The following CTNNA2 variants were observed in gnomAD, a reference collection of about 807,000 sequenced individuals.
The protein encoded by CTNNA2 is catenin alpha-2.
A neutral mutation model predicts 101.0 loss-of-function variants in CTNNA2; 42 were observed. The observed-to-expected ratio is 0.42, with a 90% confidence interval of 0.32 to 0.54. The LOEUF (loss-of-function observed/expected upper bound fraction) is 0.54. CTNNA2 is among the 20% of genes least tolerant of loss of function. CTNNA2 has a pLI of 0.14. For missense variants in CTNNA2, 871 were observed against 1,223.1 expected (o/e 0.71, Z 4.29); for synonymous variants, 450 against 456.4 (o/e 0.99, Z 0.18).
intron 7 of CTNNA2, among the ~76,000 whole-genome samples, chr2:80,330,390 G>A (rs551857071): frequency 4.6e-5 from 7 of 152,312 alleles, no homozygotes; most frequent in African/African-American, 1.7e-4. Flanking sequence ...ACTTCTAGTG[G>A]GAGAGATTAA....
intron 9 of CTNNA2, among the ~76,000 whole-genome samples, chr2:80,449,930 C>A (rs1162928230): frequency 1.3e-5 from 2 of 152,164 alleles, no homozygotes; most frequent in Non-Finnish European, 1.5e-5. Flanking sequence ...TGACTATATT[C>A]TTGACATGAT....
At chr2:79,372,253 A>G (rs1313639142) in intron 3 of CTNNA2, among the ~76,000 whole-genome samples, 1 of 152,170 alleles carries the variant, frequency 6.6e-6, no homozygotes, top group Admixed American at 6.5e-5. Flanking sequence ...CCTAGCTGAC[A>G]GGAGGAACGA....
At chr2:80,397,456 G>A (rs1678119362) in intron 8 of CTNNA2, among the ~76,000 whole-genome samples, 1 of 152,218 alleles carries the variant, frequency 6.6e-6, no homozygotes, top group South Asian at 2.1e-4. Flanking sequence ...ATTCCCTTAT[G>A]TCATGGGAGG....
intron 9 of CTNNA2, among the ~76,000 whole-genome samples, chr2:80,528,205 G>A (rs1240776140): frequency 1.3e-5 from 2 of 152,102 alleles, no homozygotes; most frequent in Admixed American, 6.6e-5. Flanking sequence ...TTGTTTGTTC[G>A]TTTGTTTTGA....
intron 8 of CTNNA2, among the ~76,000 whole-genome samples, chr2:80,407,386 A>T (rs1293258629): frequency 6.6e-6 from 1 of 152,248 alleles, no homozygotes; most frequent in Admixed American, 6.5e-5. Context: ...AGTGAGAGGC[A>T]TATAAGACTA....
chr2:80,375,383 A>G (rs1381340849), intron 7 of CTNNA2, among the ~76,000 whole-genome samples: 2 of 152,002 alleles, frequency 1.3e-5, no homozygotes, highest in African/African-American at 2.4e-5. Flanking sequence ...GTTTGTTTAC[A>G]TGTAGGTTGT....
chr2:80,599,976 T>C (rs1487967549), intron 15 of CTNNA2, among the ~76,000 whole-genome samples: 1 of 145,352 alleles, frequency 6.9e-6, no homozygotes, highest in Admixed American at 7.3e-5. Flanking sequence ...ACAATAGAAT[T>C]TGGTAGTTGA....
chr2:79,779,318 G>A lies in CTNNA2; in HGVS notation c.298+34736G>A, dbSNP rs537155070. On this transcript the variant is annotated intron_variant, in intron 3 of 18. Transcript: ENST00000402739. ...GGCCTCTTCAAGAGGTTTTGCAAGG[G>A]CTCATCCCCCTTCTCTGTTTCTGCC... Among the ~76,000 whole-genome samples, 5 of 152,246 alleles carry A rather than the reference G, an allele frequency of 3.3e-5. No homozygotes were observed. The East Asian group carries it at 7.8e-4, about 24-fold the overall frequency.
chr2:79,728,808 C>T (rs1039178790), intron 2 of CTNNA2, among the ~76,000 whole-genome samples: 1 of 152,160 alleles, frequency 6.6e-6, no homozygotes, highest in Non-Finnish European at 1.5e-5. Context: ...AGCCAGTTTT[C>T]CCAGCACCAT....
chr2:79,760,556 C>A (rs1197331347), intron 3 of CTNNA2, among the ~76,000 whole-genome samples: 3 of 152,128 alleles, frequency 2.0e-5, no homozygotes, highest in Non-Finnish European at 4.4e-5. Flanking sequence ...GGCCCACTCA[C>A]ATTATCAAGG....
intron 2 of CTNNA2, among the ~76,000 whole-genome samples, chr2:79,280,444 C>G (rs1573020211): frequency 6.6e-6 from 1 of 152,058 alleles, no homozygotes; most frequent in East Asian, 1.9e-4. Context: ...ATACACAAAA[C>G]AGCCAAACCA....
At chr2:80,065,020 A>G (rs1353940980) in intron 7 of CTNNA2, among the ~76,000 whole-genome samples, 1 of 152,204 alleles carries the variant, frequency 6.6e-6, no homozygotes, top group African/African-American at 2.4e-5. Context: ...TGCAAATGCA[A>G]GTTTATCCTC....
intron 7 of CTNNA2, among the ~76,000 whole-genome samples, chr2:80,166,791 C>T (rs539653650): frequency 6.6e-6 from 1 of 152,180 alleles, no homozygotes; most frequent in African/African-American, 2.4e-5. Flanking sequence ...AAGCTGGTGT[C>T]ATAGTTGAAT....
At chr2:80,430,479 C>T (rs1290867434) in intron 9 of CTNNA2, among the ~76,000 whole-genome samples, 1 of 152,162 alleles carries the variant, frequency 6.6e-6, no homozygotes, top group South Asian at 2.1e-4. Flanking sequence ...AATTCAAGTT[C>T]CCTGGGGTCC....
chr2:80,211,683 T>A (rs1177776566), intron 7 of CTNNA2, among the ~76,000 whole-genome samples: 1 of 152,214 alleles, frequency 6.6e-6, no homozygotes, highest in South Asian at 2.1e-4. Flanking sequence ...TGGCTGAGGA[T>A]TGTCTTGGCA....
intron 7 of CTNNA2, among the ~76,000 whole-genome samples, chr2:80,018,967 A>G (rs970944598): frequency 3.9e-5 from 6 of 152,126 alleles, no homozygotes; most frequent in African/African-American, 1.4e-4. Flanking sequence ...TTCAAATGAA[A>G]AAATAAGGAT....
chr2:79,639,164 G>A (rs1419071036), intron 1 of CTNNA2, among the ~76,000 whole-genome samples: 1 of 152,178 alleles, frequency 6.6e-6, no homozygotes, highest in Non-Finnish European at 1.5e-5. Flanking sequence ...CCCATCTCCA[G>A]CAGAGCTCAC....
At chr2:79,475,841 A>G (rs1671044798) in intron 4 of CTNNA2, among the ~76,000 whole-genome samples, 3 of 152,146 alleles carry the variant, frequency 2.0e-5, no homozygotes, top group African/African-American at 4.8e-5. Context: ...GTAATACTCA[A>G]TATCTATAAG....
intron 9 of CTNNA2, among the ~76,000 whole-genome samples, chr2:80,528,248 T>C (rs1456308016): frequency 2.0e-5 from 3 of 152,158 alleles, no homozygotes; most frequent in African/African-American, 7.2e-5. Context: ...TAGGCTGGAG[T>C]ACAGTGGCGT....
Sources: gnomAD v4.1 joint callset for allele counts (sites outside exome capture counted in the v4.1 genomes callset) on GRCh38, gnomAD v4.1.1 for gene constraint, MANE v1.5 for transcripts, NCBI Gene and HGNC (gene_info 2026-07-23, HGNC 2026-07-21) for gene names.